The following RYR2 variants were observed in gnomAD, a reference collection of about 807,000 sequenced individuals.
The protein encoded by RYR2 is cardiac muscle ryanodine receptor-calcium release channel.
Under a neutral mutation model 601.1 loss-of-function variants are expected in RYR2, and 227 were observed. The observed-to-expected ratio is 0.38, with a 90% CI of 0.34 to 0.42. RYR2 has a LOEUF of 0.42. RYR2 is among the 10% of genes least tolerant of loss of function. The pLI, the probability that RYR2 is intolerant of heterozygous loss-of-function variation, is 1.00. For synonymous variants in RYR2, 2,223 were observed against 2,175.1 expected (o/e 1.02, Z -0.61); for missense variants, 4,646 against 6,156.5 (o/e 0.75, Z 8.21).
chr1:237,829,299 G>A (rs1170602320), intron 102 of RYR2, among the ~76,000 whole-genome samples: 1 of 152,180 alleles, frequency 6.6e-6, no homozygotes, highest in Non-Finnish European at 1.5e-5. Flanking sequence ...ACAGGGAAGT[G>A]GGCTGTCAGC....
intron 17 of RYR2, among the ~76,000 whole-genome samples, chr1:237,491,397 G>T (rs1388722642): frequency 6.6e-6 from 1 of 152,180 alleles, no homozygotes; most frequent in Non-Finnish European, 1.5e-5. Context: ...CACTCACTCT[G>T]TACATGAGGC....
chr1:237,696,718 G>C (rs1687480895), intron 63 of RYR2, among the ~76,000 whole-genome samples: 1 of 145,220 alleles, frequency 6.9e-6, no homozygotes, highest in African/African-American at 2.6e-5. Context: ...CAGTGGTGCC[G>C]CCTTTCACCT....
intron 1 of RYR2, among the ~76,000 whole-genome samples, chr1:237,044,780 C>A (rs12134731): frequency 9.0e-6 from 1 of 110,808 alleles, no homozygotes; most frequent in Admixed American, 9.3e-5. Context: ...CCCTCCCCCA[C>A]CCCCCTTTTT....
chr1:237,225,449 G>C (rs1280078102), intron 1 of RYR2, among the ~76,000 whole-genome samples: 1 of 152,082 alleles, frequency 6.6e-6, no homozygotes, highest in Non-Finnish European at 1.5e-5. Context: ...GAAGTGAAAG[G>C]GATTTCGCCT....
chr1:237,604,987 A>G lies in RYR2; in HGVS notation c.4683+2876A>G, dbSNP rs555126375. On this transcript the variant is annotated intron_variant, in intron 35 of 104. Coordinates refer to ENST00000366574, the MANE Select transcript of RYR2 (RefSeq NM_001035.3). ...GACAGATTCACAGCCGAATTCTACC[A>G]GAGGTACAAGGAGGAGCTGGTACCA... Among the ~76,000 whole-genome samples the G allele has an allele frequency of 5.5e-4, 84 of 152,326 alleles. 1 individual carries two copies. Among genetic ancestry groups the G allele is most frequent in the African/African-American group, 1.9e-3 (79 of 41,574 alleles).
chr1:237,553,238 G>A (rs1392101094), intron 27 of RYR2, among the ~76,000 whole-genome samples: 4 of 151,980 alleles, frequency 2.6e-5, no homozygotes, highest in African/African-American at 9.7e-5. Context: ...AAGTGAGTTA[G>A]CTTTTGTGTA....
rs529938740 is a variant in RYR2 at position 237,509,989 on chromosome 1, G to A, written c.2719-1699G>A. ...GAGAAGAGGTGAGAAGCCAGGCCAT[G>A]TATGCAGGAAGTGTGTCACAAAAGG... On this transcript the variant is annotated intron_variant, in intron 23 of 104. Coordinates refer to ENST00000366574, the MANE Select transcript of RYR2 (RefSeq NM_001035.3). Among the ~76,000 whole-genome samples, 4 of 152,350 alleles carry A rather than the reference G, an allele frequency of 2.6e-5. No individual in the cohort carries two copies. The East Asian group carries it at 7.7e-4, about 29-fold the overall frequency.
rs1421095555 is a variant in RYR2 at position 237,075,326 on chromosome 1, G to A, written c.48+32757G>A. On this transcript the variant is annotated intron_variant, in intron 1 of 104. Transcript: ENST00000366574. The stretch of plus-strand genomic sequence containing the variant: ...GTCTACAGCTCCCAGCGTGAGCGAC[G>A]CAGAAGACGGGTGATTTCTGCATTT... 3.3e-5 allele frequency among the ~76,000 whole-genome samples: 5 copies of A among 151,588 alleles called. No individual in the cohort carries two copies. The East Asian group carries it at 5.9e-4, about 18-fold the overall frequency.
At chr1:237,127,435 C>T (rs1340071410) in intron 1 of RYR2, among the ~76,000 whole-genome samples, 2 of 150,974 alleles carry the variant, frequency 1.3e-5, no homozygotes, top group East Asian at 4.0e-4. Flanking sequence ...ACCTCCCTCC[C>T]AGAAGGGGGC....
At chr1:237,524,641 C>T (rs1344855396) in intron 24 of RYR2, among the ~76,000 whole-genome samples, 2 of 152,176 alleles carry the variant, frequency 1.3e-5, no homozygotes, top group African/African-American at 4.8e-5. Flanking sequence ...ATGAGGCCCT[C>T]ACTTAATGTC....
chr1:237,329,290 C>T (rs1696477613), intron 2 of RYR2, among the ~76,000 whole-genome samples: 1 of 152,058 alleles, frequency 6.6e-6, no homozygotes, highest in Admixed American at 6.6e-5. Flanking sequence ...CCAAGCATTC[C>T]TCCTGCCTCA....
chr1:237,140,491 G>A (rs1673272692), intron 1 of RYR2, among the ~76,000 whole-genome samples: 1 of 152,182 alleles, frequency 6.6e-6, no homozygotes. Flanking sequence ...AATTGGGGGT[G>A]TCTGAAATAC....
chr1:237,402,890 C>CAG lies in RYR2; in HGVS notation c.774-14159_774-14158insAG, dbSNP rs1703507202. On this transcript the variant is annotated intron_variant, in intron 10 of 104. Coordinates refer to ENST00000366574, the MANE Select transcript of RYR2 (RefSeq NM_001035.3). Reference sequence around the variant, plus strand: ...TCGATGTCCTGGCCTCAAACCATCCCCCTGCTTCAGCCTCCTGTCTCCACC... The same window carrying CAG: ...TCGATGTCCTGGCCTCAAACCATCCCAGCCTGCTTCAGCCTCCTGTCTCCACC... 7.2e-5 allele frequency among the ~76,000 whole-genome samples: 11 copies of CAG among 152,284 alleles called. No individual in the cohort carries two copies. The East Asian group carries it at 2.1e-3, about 29-fold the overall frequency.
chr1:237,502,538 C>G (rs549301743), intron 21 of RYR2, among the ~76,000 whole-genome samples: 42 of 152,208 alleles, frequency 2.8e-4, no homozygotes, highest in African/African-American at 9.9e-4. Flanking sequence ...CTCAGATCAT[C>G]AGGCCTTAGT....
At chr1:237,283,984 C>G (rs1251152374) in intron 2 of RYR2, among the ~76,000 whole-genome samples, 1 of 152,206 alleles carries the variant, frequency 6.6e-6, no homozygotes, top group East Asian at 1.9e-4. Context: ...TTCCCAAAGT[C>G]ATATCATTCT....
chr1:237,545,195 G>T (rs887823073), intron 25 of RYR2, among the ~76,000 whole-genome samples: 1 of 152,206 alleles, frequency 6.6e-6, no homozygotes, highest in Non-Finnish European at 1.5e-5. Context: ...AATTCTAGAA[G>T]AAATCTGTAT....
chr1:237,110,648 G>T lies in RYR2; in HGVS notation c.48+68079G>T, dbSNP rs1316223003. The stretch of plus-strand genomic sequence containing the variant: ...TTTGAGAACTCTCGCTCTAGGCAAA[G>T]CTGGCAAATTTGTCTCAGGTAGGGG... On this transcript the variant is annotated intron_variant, in intron 1 of 104. Coordinates refer to ENST00000366574, the MANE Select transcript of RYR2 (RefSeq NM_001035.3). 2.6e-5 allele frequency among the ~76,000 whole-genome samples: 4 copies of T among 152,134 alleles called. No homozygotes were observed. The South Asian group carries it at 6.2e-4, about 24-fold the overall frequency.
intron 1 of RYR2, among the ~76,000 whole-genome samples, chr1:237,210,512 G>A (rs1165091325): frequency 1.3e-5 from 2 of 152,164 alleles, no homozygotes; most frequent in Admixed American, 6.5e-5. Flanking sequence ...TGGGGTGGAT[G>A]TTGGACTGAG....
intron 2 of RYR2, among the ~76,000 whole-genome samples, chr1:237,319,439 T>C (rs912630351): frequency 5.9e-5 from 9 of 152,206 alleles, no homozygotes; most frequent in African/African-American, 2.2e-4. Flanking sequence ...TTTATGTCTC[T>C]ATTGAAGGTT....
Sources: allele counts gnomAD v4.1 joint callset (sites outside exome capture counted in the v4.1 genomes callset), GRCh38; gene constraint gnomAD v4.1.1; transcripts MANE v1.5; gene names NCBI Gene and HGNC (gene_info 2026-07-23, HGNC 2026-07-21).